The following SCFD1 variants were observed in gnomAD, a reference collection of about 807,000 sequenced individuals.
SCFD1 encodes sec1 family domain-containing protein 1.
Under a neutral mutation model 103.2 loss-of-function variants are expected in SCFD1, and 37 were observed. That is an observed-to-expected ratio of 0.36 (90% confidence interval 0.28 to 0.47). SCFD1 has a LOEUF of 0.47. SCFD1 is among the 20% of genes least tolerant of loss of function. SCFD1 has a pLI of 1.00. For missense variants in SCFD1, 639 were observed against 761.2 expected, an observed-to-expected ratio of 0.84 and a Z score of 1.89; for synonymous variants, 264 against 245.0, an observed-to-expected ratio of 1.08 and a Z score of -0.73.
chr14:30,636,427 A>C (rs770104940), intron 4 of SCFD1, among the ~76,000 whole-genome samples: 1 of 152,030 alleles, frequency 6.6e-6, no homozygotes, highest in South Asian at 2.1e-4. Flanking sequence ...TAGGTGTCCA[A>C]CTTTATTCTT....
intron 14 of SCFD1, among the ~76,000 whole-genome samples, chr14:30,682,698 C>T (rs1466233283): frequency 1.3e-5 from 2 of 152,090 alleles, no homozygotes; most frequent in Non-Finnish European, 2.9e-5. Flanking sequence ...TGCTACCCAC[C>T]TGGATATCCA....
At chr14:30,720,140 A>C (rs1892555917) in intron 21 of SCFD1, among the ~76,000 whole-genome samples, 1 of 152,152 alleles carries the variant, frequency 6.6e-6, no homozygotes, top group Admixed American at 6.5e-5. Flanking sequence ...TAATCTAGTC[A>C]TTAGATTAAA....
At chr14:30,735,563 T>TATGA (rs1226438431) in intron 24 of SCFD1, 23 bp from the exon 25 acceptor site, 1 of 1,537,196 alleles carries the variant, frequency 6.5e-7, no homozygotes, top group Admixed American at 1.7e-5. Flanking sequence ...AAGTTTTATG[T>TATGA]ATGATTTTGT....
chr14:30,705,973 T>G, intron 18 of SCFD1, 88 bp downstream of exon 18: 1 of 1,027,456 alleles, frequency 9.7e-7, no homozygotes, highest in Non-Finnish European at 1.5e-6. Flanking sequence ...TCTGATACTT[T>G]GAATGCGGAA....
At position 30,733,633 on chromosome 14, in the gene SCFD1, C is replaced by A. The variant is rs1385256803; in HGVS notation, c.1837-1157C>A. Among the ~76,000 whole-genome samples the A allele has an allele frequency of 3.3e-5, 5 of 152,190 alleles. No individual in the cohort carries two copies. In the South Asian group the frequency reaches 1.0e-3, roughly 32 times the overall value. The stretch of plus-strand genomic sequence containing the variant: ...ATGAAGTATTAACTAGTGATGAATT[C>A]TGGGCCTGGGCTAGAGACTACGATA... On this transcript the variant is annotated intron_variant, in intron 23 of 24. Coordinates refer to ENST00000458591, the MANE Select transcript of SCFD1 (RefSeq NM_016106.4).
At chr14:30,625,624 GGTATAGGTAT>G (rs1883329659) in intron 1 of SCFD1, among the ~76,000 whole-genome samples, 5 of 135,366 alleles carry the variant, frequency 3.7e-5, no homozygotes, top group East Asian at 2.4e-4. Flanking sequence ...TACCTATATA[GGTATAGGTAT>G]ATAGGCATAT....
At chr14:30,677,038 T>C (rs1889088847) in intron 14 of SCFD1, among the ~76,000 whole-genome samples, 1 of 152,220 alleles carries the variant, frequency 6.6e-6, no homozygotes, top group Non-Finnish European at 1.5e-5. Context: ...TGAAGACCTC[T>C]TGGTCTTATA....
intron 15 of SCFD1, among the ~76,000 whole-genome samples, chr14:30,696,509 T>G (rs1238570766): frequency 1.3e-5 from 2 of 152,170 alleles, no homozygotes; most frequent in African/African-American, 4.8e-5. Context: ...TAGGCATTCT[T>G]GCAAAGTAGC....
At position 30,676,807 on chromosome 14, in the gene SCFD1, A is replaced by G. The variant is rs866182983; in HGVS notation, c.1242+1742A>G. On this transcript the variant is annotated intron_variant, in intron 14 of 24. Transcript: ENST00000458591. ...AGAAGACTGTGGAGGATAAGGGACA[A>G]TGAGTTCTGGAAATAAAAGTGGAAC... Among the ~76,000 whole-genome samples, 5 of 152,350 alleles carry G rather than the reference A, an allele frequency of 3.3e-5. No individual in the cohort carries two copies. In the South Asian group the frequency reaches 1.0e-3, roughly 32 times the overall value.
chr14:30,678,085 G>A lies in SCFD1; in HGVS notation c.1242+3020G>A, dbSNP rs1015245092. ...CATCTCTTGACCTCATGATCCACCCGCCTCGGCCCCGCGAAGTGCTGGGAT... is the reference window on the plus strand; with the variant it reads ...CATCTCTTGACCTCATGATCCACCCACCTCGGCCCCGCGAAGTGCTGGGAT... On this transcript the variant is annotated intron_variant, in intron 14 of 24. Coordinates refer to ENST00000458591, the MANE Select transcript of SCFD1 (RefSeq NM_016106.4). 3.3e-5 allele frequency among the ~76,000 whole-genome samples: 5 copies of A among 151,988 alleles called. No individual in the cohort carries two copies. In the South Asian group the frequency reaches 6.2e-4, roughly 19 times the overall value.
At chr14:30,727,303 G>A (rs1431220836) in intron 23 of SCFD1, among the ~76,000 whole-genome samples, 1 of 152,198 alleles carries the variant, frequency 6.6e-6, no homozygotes, top group African/African-American at 2.4e-5. Context: ...GTGGTGGTCT[G>A]TGACTTCGTT....
chr14:30,700,994 T>A (rs1416227736), intron 16 of SCFD1, among the ~76,000 whole-genome samples: 1 of 152,236 alleles, frequency 6.6e-6, no homozygotes, highest in African/African-American at 2.4e-5. Context: ...GTATCAGACT[T>A]CTTCTGGGTT....
chr14:30,662,136 C>A (rs1370258563), intron 10 of SCFD1, among the ~76,000 whole-genome samples: 1 of 152,128 alleles, frequency 6.6e-6, no homozygotes, highest in Non-Finnish European at 1.5e-5. Flanking sequence ...CAAATGTATT[C>A]ATGTGCATTA....
Position 30,705,764 on chromosome 14 carries a change from G to T in SCFD1, c.1491-59G>T, listed in dbSNP as rs79049481. 704 of 1,295,778 alleles carry T rather than the reference G, an allele frequency of 5.4e-4. 3 individuals are homozygous for T. The African/African-American group carries it at 8.9e-3, about 16-fold the overall frequency. 80.3% of individuals were successfully genotyped at this position (1,295,778 alleles called of 1,614,324 possible). A position where few individuals can be genotyped will look rare whatever the true frequency, so the allele number is the denominator to read the frequency against. On this transcript the variant is annotated intron_variant, in intron 17 of 24. Coordinates refer to ENST00000458591, the MANE Select transcript of SCFD1 (RefSeq NM_016106.4). ...GTTAGTCAGTAGATATTTTAATACC[G>T]TGACACCCAGAGTTAGTTCTAATAA... is the stretch of plus-strand genomic sequence containing the variant.
intron 20 of SCFD1, among the ~76,000 whole-genome samples, chr14:30,717,430 T>C (rs1343000896): frequency 1.3e-5 from 2 of 152,116 alleles, no homozygotes; most frequent in African/African-American, 2.4e-5. Flanking sequence ...TGAGCCAAGA[T>C]TGTGCCACTG....
chr14:30,706,958 G>A (rs1891511716), intron 18 of SCFD1, among the ~76,000 whole-genome samples: 1 of 152,244 alleles, frequency 6.6e-6, no homozygotes, highest in East Asian at 1.9e-4. Flanking sequence ...GACAGGAATC[G>A]CTCCAGGGCC....
chr14:30,717,170 A>G (rs1337904812), intron 20 of SCFD1, among the ~76,000 whole-genome samples: 1 of 152,186 alleles, frequency 6.6e-6, no homozygotes, highest in Non-Finnish European at 1.5e-5. Context: ...CCAAATACAC[A>G]GGGGGTTAAG....
chr14:30,626,011 C>T (rs774810409), intron 1 of SCFD1, among the ~76,000 whole-genome samples: 1 of 152,028 alleles, frequency 6.6e-6, no homozygotes, highest in African/African-American at 2.4e-5. Flanking sequence ...CCCTCTTGGG[C>T]GTGAGTGCCA....
intron 14 of SCFD1, among the ~76,000 whole-genome samples, chr14:30,679,836 A>G (rs1057035339): frequency 6.6e-6 from 1 of 152,214 alleles, no homozygotes. Context: ...TCCAGTATGC[A>G]TATCAAGTGA....
Sources: allele counts gnomAD v4.1 joint callset (sites outside exome capture counted in the v4.1 genomes callset), GRCh38; gene constraint gnomAD v4.1.1; transcripts MANE v1.5; gene names NCBI Gene and HGNC (gene_info 2026-07-23, HGNC 2026-07-21).